Variants in RAD17 observed in about 807,000 individuals in gnomAD.
The protein encoded by RAD17 is RAD17 checkpoint clamp loader component.
RAD17 carries 31 observed loss-of-function variants against 81.5 expected under a neutral mutation model. The observed-to-expected ratio is 0.38, with a 90% CI of 0.29 to 0.51. RAD17 has a LOEUF of 0.51. RAD17 is among the 20% of genes least tolerant of loss of function. The pLI is 0.88. For synonymous variants in RAD17, 261 were observed against 266.2 expected, an observed-to-expected ratio of 0.98 and a Z score of 0.19; for missense variants, 681 against 781.2, an observed-to-expected ratio of 0.87 and a Z score of 1.53.
intron 17 of RAD17, among the ~76,000 whole-genome samples, chr5:69,407,244 C>G (rs1395078864): frequency 6.6e-6 from 1 of 152,064 alleles, no homozygotes; most frequent in East Asian, 1.9e-4. Flanking sequence ...CTCAGGTGAT[C>G]CGCCTGCTTC....
At chr5:69,413,192 G>A (rs766525606) in intron 18 of RAD17, among the ~76,000 whole-genome samples, 5 of 151,848 alleles carry the variant, frequency 3.3e-5, no homozygotes, top group African/African-American at 9.7e-5. Flanking sequence ...TGTAATCCCC[G>A]CACTTTGGGA....
At position 69,414,257 on chromosome 5, in the gene RAD17, A is replaced by T; in HGVS notation, c.1978A>T (p.Ile660Leu). 6.2e-7 allele frequency: 1 copy of T among 1,614,194 alleles called. No individual in the cohort carries two copies. Among genetic ancestry groups the T allele is most frequent in the Admixed American group, 1.7e-5 (1 of 60,030 alleles). Residue 660 changes from isoleucine to leucine, a missense_variant, in exon 19 of 19, where the codon ATA becomes TTA. By Grantham distance (5) the Ile-to-Leu change is conservative (BLOSUM62 2). Transcript: ENST00000354868. ...AGCCCAAGGAGACATGGAAGAAAAC[A>T]TAATAATAGAAGACTACGAGAGTGA... ...FSAQGDMEEN[I>L]IIEDYESDGT is the part of the protein sequence containing the mutation.
Position 69,400,467 on chromosome 5 carries a change from C to T in RAD17, c.1693+298C>T, listed in dbSNP as rs561790096. ...TCCTGACCTTGTGATCTGCCTGCCT[C>T]GGCCCCCCAGAGTGCTGGGATTACA... On this transcript the variant is annotated intron_variant, in intron 17 of 18. Transcript: ENST00000354868. 1.6e-3 allele frequency among the ~76,000 whole-genome samples: 248 copies of T among 152,116 alleles called. 1 individual carries two copies. The highest frequency in any genetic ancestry group is 5.5e-3 in the African/African-American group (228 of 41,502).
chr5:69,401,688 A>G (rs1053173815), intron 17 of RAD17, among the ~76,000 whole-genome samples: 1 of 151,968 alleles, frequency 6.6e-6, no homozygotes, highest in Admixed American at 6.6e-5. Context: ...CAATTGCTTT[A>G]AGAGTACACT....
chr5:69,380,844 C>T (rs1763810110), intron 6 of RAD17, among the ~76,000 whole-genome samples: 1 of 151,564 alleles, frequency 6.6e-6, no homozygotes, highest in South Asian at 2.1e-4. Flanking sequence ...TGGCTCATTG[C>T]AGCCTCCACC....
At position 69,386,576 on chromosome 5, in the gene RAD17, TA is replaced by T. The variant is rs1245865966; in HGVS notation, c.894+112del. ...TTAATTTTTTAGAATTAAAACATTT[TA>T]TTATACTCATAAGGCATGTCATTTT... On this transcript the variant is annotated intron_variant, in intron 11 of 18. Transcript: ENST00000354868. The T allele has an allele frequency of 4.9e-6, 6 of 1,219,868 alleles. No individual in the cohort carries two copies. In the African/African-American group the frequency reaches 7.8e-5, roughly 16 times the overall value. The allele number at this position is 1,219,868 out of a possible 1,614,324, so 75.6% of individuals were successfully genotyped here. A position where few individuals can be genotyped will look rare whatever the true frequency, so the allele number is the denominator to read the frequency against.
At chr5:69,377,954 G>C (rs1018720691) in intron 6 of RAD17, among the ~76,000 whole-genome samples, 1 of 151,548 alleles carries the variant, frequency 6.6e-6, no homozygotes, top group Admixed American at 6.6e-5. Flanking sequence ...CACCGCATCT[G>C]GCTAATTAAA....
rs1366159308 is a variant in RAD17, at chr5:69,384,797, AATCAAGCTTCCAT to A, written c.512_524del (p.Ser171CysfsTer8). ...AAAGTGGTTATGTGTTTCCTTTCAG[AATCAAGCTTCCAT>A]ATGTTTCCCTATCAGTCTCAGATAG... is the stretch of plus-strand genomic sequence containing the variant. On this transcript the variant is annotated frameshift_variant and splice_region_variant, in exon 8 of 19. Coordinates refer to ENST00000354868, the MANE Select transcript of RAD17 (RefSeq NM_133338.3). LOFTEE classifies it high-confidence loss of function. The A allele has an allele frequency of 5.6e-6, 9 of 1,598,768 alleles. No individual in the cohort carries two copies. The highest frequency in any genetic ancestry group is 7.7e-6 in the Non-Finnish European group (9 of 1,174,552).
chr5:69,370,014 C>T (rs1301027632), intron 1 of RAD17, 81 bp downstream of exon 1: 1 of 384,438 alleles, frequency 2.6e-6, no homozygotes, highest in Non-Finnish European at 4.7e-6. Context: ...CTTTCCTGGG[C>T]TCTCGTCGCT....
At position 69,372,200 on chromosome 5, in the gene RAD17, G is replaced by T; in HGVS notation, c.-9G>T. ...ATAGTACCAGTCACAATCTTTTGAT[G>T]AGGACGAAATGAATCAGGTAGCTAT... On this transcript the variant is annotated 5_prime_UTR_variant, in exon 4 of 19. An upstream start codon of the reference 5' UTR is lost. Coordinates refer to ENST00000354868, the MANE Select transcript of RAD17 (RefSeq NM_133338.3). 6.2e-7 allele frequency: 1 copy of T among 1,608,048 alleles called. No individual in the cohort carries two copies.
intron 6 of RAD17, among the ~76,000 whole-genome samples, chr5:69,377,894 C>T (rs1763615029): frequency 6.6e-6 from 1 of 151,666 alleles, no homozygotes; most frequent in Non-Finnish European, 1.5e-5. Flanking sequence ...TGGGCTCAAG[C>T]AGTCCTCCCA....
chr5:69,391,002 C>T (rs1764521501), intron 12 of RAD17, among the ~76,000 whole-genome samples: 1 of 149,962 alleles, frequency 6.7e-6, no homozygotes, highest in African/African-American at 2.5e-5. Context: ...AATCCCAGCA[C>T]TTGGGGAGGC....
rs772336247 is a variant in RAD17, at chr5:69,389,070, C to G, written c.931C>G (p.Leu311Val). The change falls in exon 12 of 19, where the codon CTA becomes GTA. Residue 311 changes from leucine (L) to valine (V), a missense_variant. By Grantham distance (32) the Leu-to-Val change is conservative. Transcript: ENST00000354868. ...GKITVPDKTS[L>V]ELLCQGCSGD... ...AATTACTGTCCCTGACAAAACTTCT[C>G]TAGAGTTGCTCTGTCAGGGATGTTC... The G allele has an allele frequency of 4.4e-5, 68 of 1,548,840 alleles. No individual in the cohort carries two copies. The highest frequency in any genetic ancestry group is 1.8e-4 in the Admixed American group (9 of 51,200).
At chr5:69,379,911 A>C in intron 6 of RAD17, among the ~76,000 whole-genome samples, 1 of 147,074 alleles carries the variant, frequency 6.8e-6, no homozygotes. Context: ...ACAGAGTTTC[A>C]CTCTTGTTGC....
intron 15 of RAD17, among the ~76,000 whole-genome samples, chr5:69,396,144 A>G (rs1764872157): frequency 6.6e-6 from 1 of 152,178 alleles, no homozygotes; most frequent in African/African-American, 2.4e-5. Flanking sequence ...TTTGCCTCAA[A>G]AATGTATTCA....
intron 17 of RAD17, among the ~76,000 whole-genome samples, chr5:69,400,596 T>A (rs570504521): frequency 1.3e-5 from 2 of 149,078 alleles, no homozygotes; most frequent in Admixed American, 1.4e-4. Context: ...TCCTTTTATT[T>A]TTTGATCCAG....
intron 17 of RAD17, among the ~76,000 whole-genome samples, chr5:69,404,734 A>G (rs1276621181): frequency 6.6e-6 from 1 of 151,288 alleles, no homozygotes; most frequent in African/African-American, 2.4e-5. Context: ...GCACCATTGC[A>G]CTCCAGCCTG....
At chr5:69,402,214 A>AT (rs1175894091) in intron 17 of RAD17, among the ~76,000 whole-genome samples, 1 of 150,432 alleles carries the variant, frequency 6.6e-6, no homozygotes, top group East Asian at 2.1e-4. Flanking sequence ...CACCCGGCTA[A>AT]TTTTTTTTGT....
chr5:69,397,886 G>A (rs1764996729), intron 16 of RAD17, among the ~76,000 whole-genome samples: 1 of 152,216 alleles, frequency 6.6e-6, no homozygotes, highest in Non-Finnish European at 1.5e-5. Flanking sequence ...GGGAGGCTGA[G>A]GCGGGCAGAT....
Sources: allele counts gnomAD v4.1 joint callset (sites outside exome capture counted in the v4.1 genomes callset), GRCh38; gene constraint gnomAD v4.1.1; transcripts MANE v1.5; gene names NCBI Gene and HGNC (gene_info 2026-07-23, HGNC 2026-07-21).